Variants in C1D observed in about 807,000 individuals in gnomAD.
C1D encodes the protein nuclear nucleic acid-binding protein C1D.
Under a neutral mutation model 17.5 loss-of-function variants are expected in C1D, and 10 were observed. The ratio of observed to expected loss-of-function variants is 0.57; its 90% CI spans 0.35 to 0.97. C1D has a LOEUF of 0.97. Among genes scored for constraint, C1D ranks in the 50% least tolerant of loss-of-function variants. The pLI, the probability that C1D is intolerant of heterozygous loss-of-function variation, is 0.01. For synonymous variants in C1D, 49 were observed against 54.0 expected, an observed-to-expected ratio of 0.91 and a Z score of 0.40; for missense variants, 136 against 160.1, an observed-to-expected ratio of 0.85 and a Z score of 0.81.
intron 1 of C1D, among the ~76,000 whole-genome samples, chr2:68,058,211 T>C (rs550156187): frequency 2.6e-4 from 39 of 152,344 alleles, no homozygotes; most frequent in African/African-American, 8.9e-4. Context: ...TCAATAGATA[T>C]TTAATTAGCC....
At chr2:68,052,928 C>A in intron 1 of C1D, 1 of 1,214,190 alleles carries the variant, frequency 8.2e-7, no homozygotes, top group Non-Finnish European at 1.1e-6. Context: ...GATTATGTGC[C>A]AGGCACTACT....
chr2:68,062,119 G>T (rs1482069088), intron 1 of C1D, among the ~76,000 whole-genome samples: 1 of 152,174 alleles, frequency 6.6e-6, no homozygotes, highest in Middle Eastern at 3.2e-3. Context: ...TTTTCCATGT[G>T]ATTCTTACAT....
intron 1 of C1D, among the ~76,000 whole-genome samples, chr2:68,057,085 T>C (rs1303512091): frequency 1.3e-5 from 2 of 152,190 alleles, no homozygotes; most frequent in African/African-American, 2.4e-5. Flanking sequence ...GAGGTACAGC[T>C]TAGAAAGATT....
In C1D at chr2:68,041,477, A is replaced by T. The variant is rs767064338; in HGVS notation, c.*1412T>A. The T allele has an allele frequency of 1.1e-4, 17 of 152,046 alleles. No homozygotes were observed. Among genetic ancestry groups the T allele is most frequent in the Non-Finnish European group, 2.5e-4 (17 of 67,862 alleles). The allele number at this position is 152,046 out of a possible 1,614,324, so 9.4% of individuals were successfully genotyped here. A position where few individuals can be genotyped will look rare whatever the true frequency, so the allele number is the denominator to read the frequency against. On this transcript the variant is annotated 3_prime_UTR_variant, in exon 5 of 5. Transcript: ENST00000410067. ...TTTCTCTCATGAAGAGGTTATTTTTAAAAATAGCTAGAAATTTGGAGACAA... is the reference window on the plus strand; with the variant it reads ...TTTCTCTCATGAAGAGGTTATTTTTTAAAATAGCTAGAAATTTGGAGACAA...
At chr2:68,055,627 C>CA (rs1171351255) in intron 1 of C1D, among the ~76,000 whole-genome samples, 2 of 152,104 alleles carry the variant, frequency 1.3e-5, no homozygotes, top group African/African-American at 4.8e-5. Context: ...TGAACATGGA[C>CA]AAAGTACTAG....
intron 1 of C1D, among the ~76,000 whole-genome samples, chr2:68,055,509 G>C (rs989850669): frequency 5.3e-5 from 8 of 152,010 alleles, no homozygotes; most frequent in Non-Finnish European, 7.4e-5. Context: ...AAAGACAGAG[G>C]AAGAAGAGAT....
intron 1 of C1D, among the ~76,000 whole-genome samples, chr2:68,055,673 A>G (rs2103811918): frequency 6.6e-6 from 1 of 152,356 alleles, no homozygotes; most frequent in Non-Finnish European, 1.5e-5. Context: ...TCTGTCATCT[A>G]TGATAATAGC....
chr2:68,052,978 G>C, intron 1 of C1D: 1 of 1,509,000 alleles, frequency 6.6e-7, no homozygotes, highest in South Asian at 1.3e-5. Flanking sequence ...AAACCTCACA[G>C]ATGAATAAAC....
At chr2:68,055,167 C>G (rs989943873) in intron 1 of C1D, among the ~76,000 whole-genome samples, 1 of 152,008 alleles carries the variant, frequency 6.6e-6, no homozygotes, top group African/African-American at 2.4e-5. Flanking sequence ...GACTTTGCAA[C>G]GCCTAATGAA....
At chr2:68,060,654 G>A (rs1269725516) in intron 1 of C1D, among the ~76,000 whole-genome samples, 2 of 141,866 alleles carry the variant, frequency 1.4e-5, no homozygotes, top group Non-Finnish European at 3.1e-5. Context: ...AAAGAGGGGC[G>A]AGATGGGGTG....
chr2:68,057,314 AT>A (rs373349108), intron 1 of C1D, among the ~76,000 whole-genome samples: 5,236 of 140,440 alleles, frequency 0.037, 130 homozygotes, highest in African/African-American at 0.064. Flanking sequence ...ACACCTTGCT[AT>A]TTTTTTTTTT....
At position 68,046,125 on chromosome 2, in the gene C1D, A is replaced by G. The variant is rs1671113124; in HGVS notation, c.206-82T>C. 3 of 1,034,324 alleles carry G rather than the reference A, an allele frequency of 2.9e-6. No individual in the cohort carries two copies. The East Asian group carries it at 7.9e-5, about 27-fold the overall frequency. 64.1% of individuals were successfully genotyped at this position (1,034,324 alleles called of 1,614,324 possible). A position where few individuals can be genotyped will look rare whatever the true frequency, so the allele number is the denominator to read the frequency against. ...CAATTAAAGAAACTAGTTATTCACA[A>G]AAAAGGAAAGTCCTACAAACAATTA... On this transcript the variant is annotated intron_variant, in intron 3 of 4. Transcript: ENST00000410067.
At position 68,041,441 on chromosome 2, in the gene C1D, A is replaced by C. The variant is rs560245333; in HGVS notation, c.*1448T>G. On this transcript the variant is annotated 3_prime_UTR_variant, in exon 5 of 5. Transcript: ENST00000410067. ...GACAGGTACACTACACTTGATCTTA[A>C]CAGTAACACATTTCTCTCATGAAGA... 1 of 152,192 alleles carries C rather than the reference A, an allele frequency of 6.6e-6. No homozygotes were observed. Among genetic ancestry groups the C allele is most frequent in the South Asian group, 2.1e-4 (1 of 4,824 alleles). 9.4% of individuals were successfully genotyped at this position (152,192 alleles called of 1,614,324 possible). A position where few individuals can be genotyped will look rare whatever the true frequency, so the allele number is the denominator to read the frequency against.
At chr2:68,044,255 T>C (rs1671053309) in intron 4 of C1D, among the ~76,000 whole-genome samples, 1 of 152,256 alleles carries the variant, frequency 6.6e-6, no homozygotes. Context: ...AGGGCAGGGA[T>C]CAGCATTACT....
At chr2:68,061,398 A>G (rs993796931) in intron 1 of C1D, among the ~76,000 whole-genome samples, 1 of 152,200 alleles carries the variant, frequency 6.6e-6, no homozygotes, top group Non-Finnish European at 1.5e-5. Flanking sequence ...AATTTATCCC[A>G]AAGTCTAATA....
At chr2:68,052,164 T>C (rs1048496592) in intron 1 of C1D, among the ~76,000 whole-genome samples, 8 of 152,020 alleles carry the variant, frequency 5.3e-5, no homozygotes, top group Admixed American at 2.6e-4. Flanking sequence ...ACAGAGAACA[T>C]TGTATATAAC....
chr2:68,053,193 C>T, intron 1 of C1D: 1 of 1,550,230 alleles, frequency 6.5e-7, no homozygotes, highest in Non-Finnish European at 8.7e-7. Flanking sequence ...CTCTTCACCA[C>T]TCAGTAAGGT....
At chr2:68,057,305 C>T (rs1408136151) in intron 1 of C1D, among the ~76,000 whole-genome samples, 1 of 149,270 alleles carries the variant, frequency 6.7e-6, no homozygotes, top group Non-Finnish European at 1.5e-5. Flanking sequence ...GCGTCCACCA[C>T]ACCTTGCTAT....
At chr2:68,053,390 T>A (rs1671343854) in intron 1 of C1D, 1 of 600,108 alleles carries the variant, frequency 1.7e-6, no homozygotes, top group Non-Finnish European at 2.7e-6. Flanking sequence ...ATTCTCCACT[T>A]CAGGGTGGCC....
Sources: gnomAD v4.1 joint callset for allele counts (sites outside exome capture counted in the v4.1 genomes callset) on GRCh38, gnomAD v4.1.1 for gene constraint, MANE v1.5 for transcripts, NCBI Gene and HGNC (gene_info 2026-07-23, HGNC 2026-07-21) for gene names.